TRPV3: variants seen among roughly 807,000 people sequenced by gnomAD.
TRPV3 encodes the protein VRL-3.
Under a neutral mutation model 87.1 loss-of-function variants are expected in TRPV3, and 88 were observed. The ratio of observed to expected loss-of-function variants is 1.01; its 90% CI spans 0.85 to 1.21. The LOEUF is 1.21. Among genes scored for constraint, TRPV3 ranks in the 50% most tolerant of loss-of-function variants. The pLI is 0.00. For synonymous variants in TRPV3, 438 were observed against 423.3 expected (o/e 1.03, Z -0.43); for missense variants, 1,054 against 1,030.1 (o/e 1.02, Z -0.32).
chr17:3,535,459 T>A, intron 7 of TRPV3, 114 bp downstream of exon 7: 6 of 693,088 alleles, frequency 8.7e-6, no homozygotes, highest in African/African-American at 2.4e-5. Flanking sequence ...TCCTTCCTCC[T>A]TCCCTCTTTC....
At chr17:3,534,386 C>T (rs565577344) in intron 7 of TRPV3, among the ~76,000 whole-genome samples, 18 of 151,904 alleles carry the variant, frequency 1.2e-4, no homozygotes, top group Non-Finnish European at 2.2e-4. Context: ...CAGAGTGAGA[C>T]TCCATTAAAA....
Position 3,542,708 on chromosome 17 carries a change from G to A in TRPV3, c.467-10C>T. The A allele has an allele frequency of 6.2e-7, 1 of 1,612,490 alleles. No homozygotes were observed. Among genetic ancestry groups the A allele is most frequent in the Non-Finnish European group, 8.5e-7 (1 of 1,179,182 alleles). Reference sequence around the variant, plus strand: ...TTGTGCATGAGGAAGTCTGCAGGCAGGGCCATGGGTGGAGTTACAGGAGGG... The same window carrying A: ...TTGTGCATGAGGAAGTCTGCAGGCAAGGCCATGGGTGGAGTTACAGGAGGG... On this transcript the variant is annotated splice_polypyrimidine_tract_variant and intron_variant, in intron 5 of 17. Coordinates refer to ENST00000576742, the MANE Select transcript of TRPV3 (RefSeq NM_145068.4).
chr17:3,529,897 AAC>A (rs1037062028), intron 9 of TRPV3, 128 bp downstream of exon 9: 1 of 1,040,908 alleles, frequency 9.6e-7, no homozygotes, highest in African/African-American at 1.6e-5. Context: ...TCACTGAGGC[AAC>A]AGAGTGGGGT....
intron 17 of TRPV3, 187 bp downstream of exon 17, chr17:3,514,406 C>T: frequency 1.7e-6 from 1 of 602,988 alleles, no homozygotes. Flanking sequence ...TGGCTTAGGG[C>T]TACGCCATTT....
intron 6 of TRPV3, among the ~76,000 whole-genome samples, chr17:3,540,733 A>G (rs1208377789): frequency 3.9e-5 from 6 of 152,172 alleles, no homozygotes; most frequent in Non-Finnish European, 7.3e-5. Flanking sequence ...GAAAAGGGAA[A>G]ATTAGGACAA....
chr17:3,547,013 T>C (rs2074533543), intron 2 of TRPV3, among the ~76,000 whole-genome samples: 1 of 149,810 alleles, frequency 6.7e-6, no homozygotes, highest in Non-Finnish European at 1.5e-5. Context: ...CTAGAAATAC[T>C]GGATGGCTGA....
intron 14 of TRPV3, among the ~76,000 whole-genome samples, chr17:3,519,764 A>AGATGGATG (rs138638388): frequency 1.1e-5 from 1 of 92,960 alleles, no homozygotes; most frequent in African/African-American, 4.2e-5. Context: ...ATGAATGATT[A>AGATGGATG]GATGGATGGA....
chr17:3,527,682 G>A (rs2074311989), intron 11 of TRPV3: 1 of 355,996 alleles, frequency 2.8e-6, no homozygotes. Context: ...GGTCGGTAAG[G>A]ATGAGTGGAC....
At position 3,539,084 on chromosome 17, in the gene TRPV3, C is replaced by T. The variant is rs150146572; in HGVS notation, c.644-3371G>A. On this transcript the variant is annotated intron_variant, in intron 6 of 17. Coordinates refer to ENST00000576742, the MANE Select transcript of TRPV3 (RefSeq NM_145068.4). Reference sequence around the variant, plus strand: ...GCCAAGGTGCAGCCGCAATTGCAGACGAATCTGGTGAAAAGAAGCTAGACT... The same window carrying T: ...GCCAAGGTGCAGCCGCAATTGCAGATGAATCTGGTGAAAAGAAGCTAGACT... 1.2e-3 allele frequency among the ~76,000 whole-genome samples: 181 copies of T among 152,074 alleles called. 2 individuals are homozygous for T. The highest frequency in any genetic ancestry group is 4.0e-3 in the African/African-American group (165 of 41,488).
chr17:3,532,085 G>A (rs1469431810), intron 8 of TRPV3, among the ~76,000 whole-genome samples: 5 of 152,202 alleles, frequency 3.3e-5, no homozygotes, highest in Admixed American at 2.6e-4. Flanking sequence ...ACCGGCCCCT[G>A]AAAGAGATCT....
chr17:3,550,627 C>G (rs534406226), intron 2 of TRPV3, among the ~76,000 whole-genome samples: 126 of 147,462 alleles, frequency 8.5e-4, no homozygotes, highest in South Asian at 2.6e-3. Flanking sequence ...CGGGTTCATG[C>G]CATTCTCCTG....
At chr17:3,538,440 A>C (rs992168362) in intron 6 of TRPV3, among the ~76,000 whole-genome samples, 10 of 129,500 alleles carry the variant, frequency 7.7e-5, no homozygotes, top group African/African-American at 2.3e-4. Flanking sequence ...AAAAGAACAA[A>C]AAAAAAAAAA....
rs1355138082 is a variant in TRPV3 at position 3,528,379 on chromosome 17, C to T, written c.1402-253G>A. On this transcript the variant is annotated intron_variant, in intron 10 of 17. Transcript: ENST00000576742. The surrounding 1 kb of genome is among the most constrained non-coding windows in gnomAD (Gnocchi z 4.2). ...TGCTAACAACCCTCACACTCCATTG[C>T]AATAGCCTTTCCGGAACCCATCCAT... Among the ~76,000 whole-genome samples the T allele has an allele frequency of 6.6e-6, 1 of 152,186 alleles. No individual in the cohort carries two copies. Among genetic ancestry groups the T allele is most frequent in the Non-Finnish European group, 1.5e-5 (1 of 68,036 alleles).
At chr17:3,533,959 T>C (rs2074375014) in intron 7 of TRPV3, among the ~76,000 whole-genome samples, 1 of 152,172 alleles carries the variant, frequency 6.6e-6, no homozygotes, top group Non-Finnish European at 1.5e-5. Context: ...CCTAGAACAG[T>C]GCCTGATGTA....
At position 3,510,668 on chromosome 17, in the gene TRPV3, C is replaced by G. The variant is rs1162403312; in HGVS notation, c.*3249G>C. The stretch of plus-strand genomic sequence containing the variant: ...AGAATTTACAAGGATCCGGCACATT[C>G]AAGGGAGAATGGGGTGACGATTCTG... On this transcript the variant is annotated 3_prime_UTR_variant, in exon 18 of 18. Transcript: ENST00000576742. 3 of 152,224 alleles carry G rather than the reference C, an allele frequency of 2.0e-5. No homozygotes were observed. Among genetic ancestry groups the G allele is most frequent in the African/African-American group, 7.2e-5 (3 of 41,450 alleles). 9.4% of individuals were successfully genotyped at this position (152,224 alleles called of 1,614,324 possible). A position where few individuals can be genotyped will look rare whatever the true frequency, so the allele number is the denominator to read the frequency against.
intron 14 of TRPV3, among the ~76,000 whole-genome samples, chr17:3,519,482 TTGGA>T (rs147735379): frequency 0.017 from 1,527 of 91,384 alleles, 35 homozygotes; most frequent in African/African-American, 0.058. Context: ...GGATAGATGA[TTGGA>T]TGGATGGATG....
intron 2 of TRPV3, 39 bp from the exon 3 acceptor site, chr17:3,545,310 G>T (rs1863101423): frequency 2.7e-6 from 4 of 1,498,976 alleles, no homozygotes; most frequent in Non-Finnish European, 3.7e-6. Flanking sequence ...GGCCGAGCCA[G>T]GCAGAGCCTG....
intron 9 of TRPV3, among the ~76,000 whole-genome samples, chr17:3,529,680 G>T (rs945236271): frequency 2.6e-5 from 4 of 152,044 alleles, no homozygotes; most frequent in African/African-American, 7.3e-5. Flanking sequence ...ACACCAACGG[G>T]GGGTGGGAGA....
intron 14 of TRPV3, among the ~76,000 whole-genome samples, chr17:3,519,572 G>A: frequency 7.7e-6 from 1 of 129,352 alleles, no homozygotes; most frequent in Admixed American, 7.4e-5. Flanking sequence ...ATGGATGGAT[G>A]GATGATTAAA....
Sources: gnomAD v4.1 joint callset for allele counts (sites outside exome capture counted in the v4.1 genomes callset) on GRCh38, gnomAD v4.1.1 for gene constraint, Gnocchi (gnomAD v3.1) non-coding constraint, MANE v1.5 for transcripts, NCBI Gene and HGNC (gene_info 2026-07-23, HGNC 2026-07-21) for gene names.